The following CREB5 variants were observed in gnomAD, a reference collection of about 807,000 sequenced individuals.
CREB5 encodes cyclic AMP-responsive element-binding protein 5.
A neutral mutation model predicts 57.1 loss-of-function variants in CREB5; 19 were observed. The observed-to-expected ratio is 0.33, with a 90% CI of 0.23 to 0.49. The LOEUF is 0.49. CREB5 is among the 20% of genes least tolerant of loss of function. CREB5 has a pLI of 0.99. For missense variants in CREB5, 579 were observed against 671.6 expected, an observed-to-expected ratio of 0.86 and a Z score of 1.52; for synonymous variants, 238 against 238.3, an observed-to-expected ratio of 1.00 and a Z score of 0.01.
At chr7:28,335,152 T>C (rs1040129808) in intron 1 of CREB5, among the ~76,000 whole-genome samples, 1 of 152,202 alleles carries the variant, frequency 6.6e-6, no homozygotes, top group Non-Finnish European at 1.5e-5. Flanking sequence ...TTTTGTTCTT[T>C]TTGCTCAGGA....
At chr7:28,592,610 A>C (rs1257113542) in intron 5 of CREB5, among the ~76,000 whole-genome samples, 1 of 152,158 alleles carries the variant, frequency 6.6e-6, no homozygotes, top group Non-Finnish European at 1.5e-5. Flanking sequence ...GCGCAGCACT[A>C]AGTTTGCAGA....
At chr7:28,524,984 C>T (rs1195812369) in intron 4 of CREB5, among the ~76,000 whole-genome samples, 1 of 141,672 alleles carries the variant, frequency 7.1e-6, no homozygotes, top group Non-Finnish European at 1.5e-5. Flanking sequence ...CCGAACCCCA[C>T]CCCCGACCCT....
intron 5 of CREB5, among the ~76,000 whole-genome samples, chr7:28,682,692 G>C (rs12666420): frequency 1.3e-5 from 2 of 148,446 alleles, no homozygotes; most frequent in Non-Finnish European, 3.0e-5. Flanking sequence ...TGGGGGGGGG[G>C]GGAAACCCCA....
chr7:28,560,807 CG>C (rs1795062902), intron 4 of CREB5, among the ~76,000 whole-genome samples: 1 of 15,076 alleles, frequency 6.6e-5, no homozygotes, highest in Non-Finnish European at 1.6e-4. Context: ...AGTGTGTGTG[CG>C]CGTGTGTGTG....
Position 28,820,456 on chromosome 7 carries a change from T to TC in CREB5, c.*1178dup, listed in dbSNP as rs1309953401. ...AAGCCTATGGAACCGGCTTTGCTGT[T>TC]CTGGGGGGTGAAAATAGACTAACTA... On this transcript the variant is annotated 3_prime_UTR_variant, in exon 11 of 11. Transcript: ENST00000357727. 6.6e-6 allele frequency: 1 copy of TC among 152,440 alleles called. No homozygotes were observed. The highest frequency in any genetic ancestry group is 1.5e-5 in the Non-Finnish European group (1 of 68,010). The allele number at this position is 152,440 out of a possible 1,614,324, so 9.4% of individuals were successfully genotyped here.
At chr7:28,717,814 T>C (rs1802787836) in intron 5 of CREB5, among the ~76,000 whole-genome samples, 1 of 152,204 alleles carries the variant, frequency 6.6e-6, no homozygotes. Context: ...TTGTTTGTTG[T>C]TAGGTCTTTA....
At chr7:28,381,780 C>T (rs1478616524) in intron 1 of CREB5, among the ~76,000 whole-genome samples, 1 of 152,214 alleles carries the variant, frequency 6.6e-6, no homozygotes, top group Non-Finnish European at 1.5e-5. Context: ...TGGATAATCT[C>T]TCTCCAAGAG....
chr7:28,727,409 C>T (rs1003900889), intron 7 of CREB5, among the ~76,000 whole-genome samples: 5 of 152,048 alleles, frequency 3.3e-5, no homozygotes, highest in Admixed American at 6.6e-5. Flanking sequence ...GAAAGAAATT[C>T]ACTGATAGAT....
chr7:28,620,628 T>A (rs1330832576), intron 5 of CREB5, among the ~76,000 whole-genome samples: 1 of 152,122 alleles, frequency 6.6e-6, no homozygotes, highest in Non-Finnish European at 1.5e-5. Context: ...AAATGCCTAT[T>A]CCCTCCTCTT....
intron 5 of CREB5, among the ~76,000 whole-genome samples, chr7:28,701,373 T>C (rs1449692152): frequency 6.6e-6 from 1 of 152,158 alleles, no homozygotes; most frequent in Non-Finnish European, 1.5e-5. Context: ...TGGGCCAACT[T>C]TGAAATTCCA....
intron 5 of CREB5, among the ~76,000 whole-genome samples, chr7:28,592,665 G>C (rs914605232): frequency 6.6e-6 from 1 of 152,162 alleles, no homozygotes; most frequent in African/African-American, 2.4e-5. Flanking sequence ...CTCATATGGA[G>C]GAGGTGGAGA....
intron 5 of CREB5, among the ~76,000 whole-genome samples, chr7:28,620,055 T>C (rs1481794889): frequency 6.6e-6 from 1 of 152,180 alleles, no homozygotes; most frequent in Non-Finnish European, 1.5e-5. Flanking sequence ...TTTAATAAAA[T>C]AGACTTGATG....
At chr7:28,735,735 T>C (rs754936801) in intron 7 of CREB5, among the ~76,000 whole-genome samples, 2 of 152,018 alleles carry the variant, frequency 1.3e-5, no homozygotes, top group Non-Finnish European at 2.9e-5. Context: ...TTAATATGAA[T>C]AATTCATTAT....
intron 7 of CREB5, among the ~76,000 whole-genome samples, chr7:28,762,255 A>C (rs900226452): frequency 5.9e-5 from 9 of 152,182 alleles, no homozygotes; most frequent in Non-Finnish European, 1.3e-4. Context: ...TCTGAAGATA[A>C]AATAAACATT....
chr7:28,309,676 A>G (rs1267192680), intron 1 of CREB5, among the ~76,000 whole-genome samples: 1 of 152,036 alleles, frequency 6.6e-6, no homozygotes, highest in Non-Finnish European at 1.5e-5. Flanking sequence ...TTTGATACTG[A>G]TGCTCCCAGC....
chr7:28,616,156 A>G (rs1003186646), intron 5 of CREB5, among the ~76,000 whole-genome samples: 1 of 152,040 alleles, frequency 6.6e-6, no homozygotes, highest in Non-Finnish European at 1.5e-5. Context: ...TTTAGGTTTG[A>G]TTTAGAGTCA....
intron 5 of CREB5, among the ~76,000 whole-genome samples, chr7:28,686,389 C>T (rs1800913000): frequency 6.6e-6 from 1 of 151,462 alleles, no homozygotes; most frequent in African/African-American, 2.4e-5. Context: ...TCTTCTTGCC[C>T]GAAGAGGCAT....
At chr7:28,485,223 T>C (rs1477898457) in intron 1 of CREB5, among the ~76,000 whole-genome samples, 1 of 152,158 alleles carries the variant, frequency 6.6e-6, no homozygotes, top group Non-Finnish European at 1.5e-5. Context: ...CAGTAGCACT[T>C]CCAGTCTTGA....
At chr7:28,311,168 A>C (rs2127981513) in intron 1 of CREB5, among the ~76,000 whole-genome samples, 1 of 150,772 alleles carries the variant, frequency 6.6e-6, no homozygotes, top group South Asian at 2.1e-4. Flanking sequence ...TAAATATTTT[A>C]ATGCAAAAGC....
Sources: gnomAD v4.1 joint callset for allele counts (sites outside exome capture counted in the v4.1 genomes callset) on GRCh38, gnomAD v4.1.1 for gene constraint, MANE v1.5 for transcripts, NCBI Gene and HGNC (gene_info 2026-07-23, HGNC 2026-07-21) for gene names.